Variants in PLEC observed in about 807,000 individuals in gnomAD.
PLEC encodes plectin, also known as hemidesmosomal protein 1.
Under a neutral mutation model 392.8 loss-of-function variants are expected in PLEC, and 216 were observed. That is an observed-to-expected ratio of 0.55 (90% CI 0.49 to 0.62). The LOEUF (loss-of-function observed/expected upper bound fraction) is 0.62. Among genes scored for constraint, PLEC ranks in the 20% least tolerant of loss-of-function variants. PLEC has a pLI of 0.00. For synonymous variants in PLEC, 3,621 were observed against 2,980.6 expected, an observed-to-expected ratio of 1.21 and a Z score of -7.00; for missense variants, 6,863 against 6,563.4, an observed-to-expected ratio of 1.05 and a Z score of -1.58.
At chr8:143,940,526 T>C (rs1830256295), upstream of PLEC, among the ~76,000 whole-genome samples, 1 of 152,178 alleles carries the variant, frequency 6.6e-6, no homozygotes, top group South Asian at 2.1e-4. Flanking sequence ...GCAAAGGGCC[T>C]GCGCTGGCTG....
In PLEC at chr8:143,939,450, G is replaced by A. The variant is rs782775061; in HGVS notation, c.12C>T (p.His4=). Reference sequence around the variant, plus strand: ...CCTCGGGCTGCGGCACGCGGAGCTGGTGCTGAGACATGCTGCCCCCACACC... The same window carrying A: ...CCTCGGGCTGCGGCACGCGGAGCTGATGCTGAGACATGCTGCCCCCACACC... MSQ[H]QLRVPQPEGL... Residue 4 remains histidine (H), a synonymous_variant, in exon 1 of 32, where the codon CAC becomes CAT. Transcript: ENST00000345136. 4.3e-6 allele frequency: 7 copies of A among 1,611,646 alleles called. No individual in the cohort carries two copies. The East Asian group carries it at 1.1e-4, about 26-fold the overall frequency.
rs199823905 is a variant in PLEC at position 143,927,365 on chromosome 8, C to T, written c.3757-30G>A. ...GTGATGGTGTGGTCAGAGCCGTGGC[C>T]GCAGGGCACGCCCAGCCGCCCCGTC... On this transcript the variant is annotated intron_variant, in intron 27 of 31. Coordinates refer to ENST00000345136, the MANE Select transcript of PLEC (RefSeq NM_201384.3). The T allele has an allele frequency of 1.0e-4, 166 of 1,610,858 alleles. No homozygotes were observed. In the East Asian group the frequency reaches 2.5e-3, roughly 24 times the overall value.
chr8:143,930,857 T>TC (rs1229843894), intron 19 of PLEC, among the ~76,000 whole-genome samples: 1 of 152,004 alleles, frequency 6.6e-6, no homozygotes, highest in Admixed American at 6.5e-5. Context: ...TACTGCCTCC[T>TC]CCCATCCCAC....
Position 143,926,808 on chromosome 8 carries a change from A to C in PLEC, c.4020T>G (p.Thr1340=). 1 of 1,613,798 alleles carries C rather than the reference A, an allele frequency of 6.2e-7. No individual in the cohort carries two copies. Among genetic ancestry groups the C allele is most frequent in the East Asian group, 2.2e-5 (1 of 44,882 alleles). ...CCTCCTCCTCCTCCATGCGCCGCAG[A>C]GTCTCGCTGATGAACTTGATGTACT... ...TSQYIKFISE[T]LRRMEEEERL... The change falls in exon 30 of 32, where the codon ACT becomes ACG. Residue 1340 remains threonine, a synonymous_variant. Coordinates refer to ENST00000345136, the MANE Select transcript of PLEC (RefSeq NM_201384.3).
Position 143,923,749 on chromosome 8 carries a change from C to T in PLEC, c.6180G>A (p.Gln2060=). The T allele has an allele frequency of 6.4e-7, 1 of 1,551,832 alleles. No homozygotes were observed. Among genetic ancestry groups the T allele is most frequent in the Non-Finnish European group, 8.7e-7 (1 of 1,155,660 alleles). ...GCGTCTGCTGTAGCTCCTGCTCCTT[C>T]TGCTGCACCGCGAAGGCGTGTGCCT... ...EEKAHAFAVQ[Q]KEQELQQTLQ... is the part of the protein sequence containing the mutation. Residue 2060 remains glutamine, a synonymous_variant, in exon 31 of 32, where the codon CAG becomes CAA. Transcript: ENST00000345136.
chr8:143,923,542 A>C lies in PLEC; in HGVS notation c.6387T>G (p.Ala2129=). The change falls in exon 31 of 32, where the codon GCT becomes GCG. Residue 2129 remains alanine (A), a synonymous_variant. Transcript: ENST00000345136. ...GCTTCTCTGCAGCCGCCTGTGCCTG[A>C]GCCCGGGCCTGTGCCTGCTCCTCTG... is the stretch of plus-strand genomic sequence containing the variant. ...QSAEEQAQAR[A]QAQAAAEKLR... 1 of 1,594,150 alleles carries C rather than the reference A, an allele frequency of 6.3e-7. No homozygotes were observed.
rs1554701079 is a variant in PLEC, at chr8:143,925,179, A to T, written c.4750T>A (p.Ser1584Thr). The change falls in exon 31 of 32, where the codon TCC (serine) becomes ACC (threonine). Residue 1584 changes from serine (S) to threonine (T), a missense_variant. Ser to Thr is a moderately conservative substitution (Grantham distance 58). Transcript: ENST00000345136. ...AEAELQSKRASFAEKTAQLER... is the reference protein window; with the variant it reads ...AEAELQSKRATFAEKTAQLER... ...AGCTGTGCCGTCTTCTCGGCGAAGGAGGCGCGTTTGCTCTGCAGCTCCGCC... is the reference window on the plus strand; with the variant it reads ...AGCTGTGCCGTCTTCTCGGCGAAGGTGGCGCGTTTGCTCTGCAGCTCCGCC... 4 of 1,572,630 alleles carry T rather than the reference A, an allele frequency of 2.5e-6. No individual in the cohort carries two copies. The South Asian group carries it at 4.6e-5, about 18-fold the overall frequency.
rs548427460 is a variant in PLEC at position 143,923,930 on chromosome 8, GCCT to G, written c.5996_5998del (p.Glu1999del). The G allele has an allele frequency of 4.9e-5, 78 of 1,594,728 alleles. No homozygotes were observed. Among genetic ancestry groups the G allele is most frequent in the Non-Finnish European group, 5.4e-5 (64 of 1,178,088 alleles). ...CAGCGCCGCCTTCCGCTGCCGTGCG[GCCT>G]CCTCCTCGGCCGCCAGGCTCTTCTG... On this transcript the variant is annotated inframe_deletion, in exon 31 of 32. Transcript: ENST00000345136.
rs1554680143 is a variant in PLEC at position 143,919,989 on chromosome 8, T to C, written c.9832A>G (p.Lys3278Glu). The C allele has an allele frequency of 1.2e-6, 2 of 1,613,182 alleles. No homozygotes were observed. Among genetic ancestry groups the C allele is most frequent in the East Asian group, 2.2e-5 (1 of 44,900 alleles). ...QELLRQFRTGKVTVEKVIKIL... is the reference protein window; with the variant it reads ...QELLRQFRTGEVTVEKVIKIL... ...TTGATGACCTTCTCCACGGTGACCT[T>C]GCCCGTGCGGAACTGACGCAACAGC... Residue 3278 changes from lysine (K) to glutamate (E), a missense_variant, in exon 32 of 32, where the codon AAG becomes GAG. Lys to Glu is a moderately conservative substitution (Grantham distance 56). Transcript: ENST00000345136.
rs1822770097 is a variant in PLEC, at chr8:143,921,653, G to A, written c.8168C>T (p.Pro2723Leu). Residue 2723 changes from proline (P) to leucine (L), a missense_variant, in exon 32 of 32, where the codon CCC becomes CTC. Transcript: ENST00000345136. ...YAALQRQLLS[P>L]GTALILLEAQ... is the part of the protein sequence containing the mutation. ...CTCCAGCAGGATGAGGGCCGTGCCG[G>A]GACTCAGCAGCTGCCTCTGCAGGGC... 1 of 1,613,054 alleles carries A rather than the reference G, an allele frequency of 6.2e-7. No individual in the cohort carries two copies.
At position 143,932,524 on chromosome 8, in the gene PLEC, A is replaced by C; in HGVS notation, c.1853T>G (p.Leu618Trp). 1.2e-6 allele frequency: 2 copies of C among 1,612,562 alleles called. No individual in the cohort carries two copies. Among genetic ancestry groups the C allele is most frequent in the Non-Finnish European group, 1.7e-6 (2 of 1,179,930 alleles). Reference sequence around the variant, plus strand: ...AGTGGCGGCTGCCACAAAGCTGTGCAAGCTCTCCAGGGACCTGAGGCGGGC... The same window carrying C: ...AGTGGCGGCTGCCACAAAGCTGTGCCAGCTCTCCAGGGACCTGAGGCGGGC... ...SKARLRSLES[L>W]HSFVAAATKE... Residue 618 changes from leucine (L) to tryptophan (W), a missense_variant, in exon 16 of 32, where the codon TTG (leucine) becomes TGG (tryptophan). Leu to Trp is a moderately conservative substitution (Grantham distance 61, BLOSUM62 -2). Transcript: ENST00000345136.
Position 143,927,757 on chromosome 8 carries a change from C to A in PLEC, c.3409G>T (p.Ala1137Ser). The A allele has an allele frequency of 6.2e-7, 1 of 1,600,334 alleles. No homozygotes were observed. Among genetic ancestry groups the A allele is most frequent in the Non-Finnish European group, 8.5e-7 (1 of 1,173,752 alleles). ...GTGGGCTGCTGTGCCTCGGCCTGGGCCCGCAGCTTCTGTTGGGGACAGGAG... is the reference window on the plus strand; with the variant it reads ...GTGGGCTGCTGTGCCTCGGCCTGGGACCGCAGCTTCTGTTGGGGACAGGAG... ...ATKASLKKLR[A>S]QAEAQQPTFD... is the part of the protein sequence containing the mutation. The change falls in exon 27 of 32, where the codon GCC (alanine) becomes TCC (serine). Residue 1137 changes from alanine to serine, a missense_variant. By Grantham distance (99) the Ala-to-Ser change is moderately conservative. Transcript: ENST00000345136.
chr8:143,942,404 GC>G, upstream of PLEC: 2 of 1,607,080 alleles, frequency 1.2e-6, no homozygotes, highest in Middle Eastern at 1.8e-4. Context: ...ACGCAGCACA[GC>G]TGCTGGTAGA....
chr8:143,952,998 C>G (rs536932673), upstream of PLEC, among the ~76,000 whole-genome samples: 824 of 139,184 alleles, frequency 5.9e-3, 6 homozygotes, highest in African/African-American at 0.017. Context: ...GCCACCCCCC[C>G]CCGCCTCGCA....
At position 143,919,697 on chromosome 8, in the gene PLEC, A is replaced by G. The variant is rs1417349294; in HGVS notation, c.10124T>C (p.Met3375Thr). 1.6e-5 allele frequency: 25 copies of G among 1,603,434 alleles called. No homozygotes were observed. In the Admixed American group the frequency reaches 1.7e-4, roughly 11 times the overall value. Residue 3375 changes from methionine (M) to threonine (T), a missense_variant, in exon 32 of 32, where the codon ATG becomes ACG. Coordinates refer to ENST00000345136, the MANE Select transcript of PLEC (RefSeq NM_201384.3). ...TGTGGCTCTCAGCAGGCCCCGGCGCATGGCCTCGTAGATGGACACCTTCTC... is the reference window on the plus strand; with the variant it reads ...TGTGGCTCTCAGCAGGCCCCGGCGCGTGGCCTCGTAGATGGACACCTTCTC... ...TKEKVSIYEA[M>T]RRGLLRATTA...
rs781888321 is a variant in PLEC at position 143,934,070 on chromosome 8, G to T, written c.1191C>A (p.Ile397=). 55 of 1,611,636 alleles carry T rather than the reference G, an allele frequency of 3.4e-5. No homozygotes were observed. The Admixed American group carries it at 8.8e-4, about 26-fold the overall frequency. The part of the protein sequence containing the change: ...EFERLECLQR[I]VTKLQMEAGL... ...CCGCCTCCATCTGCAGCTTGGTCAC[G>T]ATGCGCTGAAGACACTCCAGCCTGC... Residue 397 remains isoleucine (I), a synonymous_variant, in exon 12 of 32, where the codon ATC becomes ATA. Coordinates refer to ENST00000345136, the MANE Select transcript of PLEC (RefSeq NM_201384.3).
At chr8:143,942,388 C>T (rs782664797), upstream of PLEC, 1 of 1,603,236 alleles carries the variant, frequency 6.2e-7, no homozygotes, top group Non-Finnish European at 8.5e-7. Context: ...GCCACTGCAC[C>T]CACCTACGCA....
chr8:143,939,506 GGT>G lies in PLEC; in HGVS notation c.-47_-46del, dbSNP rs1830008986. ...CGCCCGGACCCTCGGCCTCAGGCAC[GGT>G]GCTCTGGGCAGCCCCGTGTGGCACA... is the stretch of plus-strand genomic sequence containing the variant. On this transcript the variant is annotated 5_prime_UTR_variant, in exon 1 of 32. Coordinates refer to ENST00000345136, the MANE Select transcript of PLEC (RefSeq NM_201384.3). The G allele has an allele frequency of 1.3e-6, 2 of 1,578,478 alleles. No individual in the cohort carries two copies. The highest frequency in any genetic ancestry group is 4.6e-5 in the East Asian group (2 of 43,324).
At chr8:143,935,562 C>G (rs538674952) in intron 6 of PLEC, among the ~76,000 whole-genome samples, 23 of 152,334 alleles carry the variant, frequency 1.5e-4, no homozygotes, top group Admixed American at 9.1e-4. Context: ...TTCCCTGCAG[C>G]CACCCTCCCC....
Sources: allele counts gnomAD v4.1 joint callset (sites outside exome capture counted in the v4.1 genomes callset), GRCh38; gene constraint gnomAD v4.1.1; transcripts MANE v1.5; gene names NCBI Gene and HGNC (gene_info 2026-07-23, HGNC 2026-07-21).